BCL2L13: variants seen among roughly 807,000 people sequenced by gnomAD.
The protein encoded by BCL2L13 is bcl-2-like protein 13.
A neutral mutation model predicts 25.8 loss-of-function variants in BCL2L13; 13 were observed. The ratio of observed to expected loss-of-function variants is 0.50; its 90% CI spans 0.33 to 0.80. The LOEUF (loss-of-function observed/expected upper bound fraction) is 0.80, where lower values mean the gene tolerates loss of function less well. Among genes scored for constraint, BCL2L13 ranks in the 30% least tolerant of loss-of-function variants. BCL2L13 has a pLI of 0.02. For synonymous variants in BCL2L13, 244 were observed against 230.3 expected (o/e 1.06, Z -0.54); for missense variants, 504 against 574.9 (o/e 0.88, Z 1.26).
At chr22:17,684,691 GT>G in intron 3 of BCL2L13, 1 of 438,314 alleles carries the variant, frequency 2.3e-6, no homozygotes, top group Non-Finnish European at 4.6e-6. Flanking sequence ...AGCCTCCTGA[GT>G]AGCCAGGATT....
At chr22:17,716,344 T>C (rs1469986984) in intron 6 of BCL2L13, among the ~76,000 whole-genome samples, 2 of 152,222 alleles carry the variant, frequency 1.3e-5, no homozygotes, top group Non-Finnish European at 2.9e-5. Context: ...GAGGTCTTAA[T>C]ACCTTTCATC....
chr22:17,721,962 G>A (rs946036354), intron 6 of BCL2L13, among the ~76,000 whole-genome samples: 6 of 152,160 alleles, frequency 3.9e-5, no homozygotes, highest in Non-Finnish European at 2.9e-5. Context: ...GCCCGGCCAA[G>A]AAATTTTTAT....
At chr22:17,641,597 T>A (rs1343855065) in intron 1 of BCL2L13, among the ~76,000 whole-genome samples, 3 of 152,132 alleles carry the variant, frequency 2.0e-5, no homozygotes, top group Non-Finnish European at 4.4e-5. Flanking sequence ...TACAATTCAG[T>A]ACTTTTTAGT....
rs137866751 is a variant in BCL2L13 at position 17,727,003 on chromosome 22, C to T, written c.927C>T (p.His309=). The change falls in exon 7 of 7, where the codon CAC becomes CAT. Residue 309 remains histidine (H), a synonymous_variant. Transcript: ENST00000317582. The stretch of plus-strand genomic sequence containing the variant: ...ACTCCTCTAATTCTGACATTGTGCA[C>T]GTGGAGAAAGAAGAGGTGCCCGAGG... ...ENNSSNSDIV[H]VEKEEVPEGM... 2.1e-4 allele frequency: 334 copies of T among 1,614,150 alleles called. 1 individual carries two copies. The African/African-American group carries it at 3.1e-3, about 15-fold the overall frequency.
At chr22:17,690,317 C>T (rs1016433934) in intron 4 of BCL2L13, among the ~76,000 whole-genome samples, 8 of 145,414 alleles carry the variant, frequency 5.5e-5, no homozygotes, top group East Asian at 2.1e-4. Context: ...CAGAGGGAGA[C>T]TCCATCTGAA....
intron 6 of BCL2L13, among the ~76,000 whole-genome samples, chr22:17,726,218 G>A (rs1002172782): frequency 7.9e-5 from 12 of 152,104 alleles, no homozygotes; most frequent in African/African-American, 2.9e-4. Flanking sequence ...GGGCGTGGTG[G>A]CAGGTGCCTA....
chr22:17,648,448 A>G (rs1018897493), intron 1 of BCL2L13, among the ~76,000 whole-genome samples: 4 of 152,078 alleles, frequency 2.6e-5, no homozygotes, highest in Non-Finnish European at 5.9e-5. Context: ...TTGTAATCCC[A>G]GCAATTTGGG....
chr22:17,708,418 T>C (rs2060650170), intron 6 of BCL2L13, among the ~76,000 whole-genome samples: 1 of 152,238 alleles, frequency 6.6e-6, no homozygotes, highest in Admixed American at 6.5e-5. Flanking sequence ...AAACTACTTA[T>C]CTTCTTTACT....
At chr22:17,723,673 G>T (rs145016849) in intron 6 of BCL2L13, among the ~76,000 whole-genome samples, 3 of 152,118 alleles carry the variant, frequency 2.0e-5, no homozygotes, top group Admixed American at 1.3e-4. Context: ...GGTGTCTCAC[G>T]CCTGTAATCC....
At chr22:17,715,241 G>A (rs1221562202) in intron 6 of BCL2L13, among the ~76,000 whole-genome samples, 3 of 128,640 alleles carry the variant, frequency 2.3e-5, no homozygotes, top group Non-Finnish European at 3.1e-5. Context: ...GAGTACAGTG[G>A]TGCAGACTTG....
At chr22:17,690,947 A>G (rs1452882694) in intron 4 of BCL2L13, among the ~76,000 whole-genome samples, 1 of 152,172 alleles carries the variant, frequency 6.6e-6, no homozygotes, top group Non-Finnish European at 1.5e-5. Context: ...GAGGTGCTGC[A>G]GGGGTCCTGA....
At chr22:17,694,553 C>T (rs73876490) in intron 4 of BCL2L13, among the ~76,000 whole-genome samples, 2,725 of 152,098 alleles carry the variant, frequency 0.018, 77 homozygotes, top group African/African-American at 0.061. Flanking sequence ...CTGTCTTGCA[C>T]TGTCACCAGT....
At chr22:17,687,547 C>T (rs1037027141) in intron 3 of BCL2L13, among the ~76,000 whole-genome samples, 2 of 151,868 alleles carry the variant, frequency 1.3e-5, no homozygotes, top group African/African-American at 2.4e-5. Context: ...GCCAGAGTCT[C>T]GCTCTGTCAC....
chr22:17,727,289 A>C lies in BCL2L13; in HGVS notation c.1213A>C (p.Thr405Pro). The change falls in exon 7 of 7, where the codon ACA becomes CCA. Residue 405 changes from threonine to proline, a missense_variant. Physicochemically the swap from Thr to Pro is conservative, Grantham distance 38. Transcript: ENST00000317582. ...GGAGGTGGTCCCCGCACTGGAACCC[A>C]CAGAAACGCTGCTGAGTGAGAAGGA... ...VEEVVPALEP[T>P]ETLLSEKEIN... 6.2e-7 allele frequency: 1 copy of C among 1,614,260 alleles called. No individual in the cohort carries two copies. Among genetic ancestry groups the C allele is most frequent in the Non-Finnish European group, 8.5e-7 (1 of 1,180,054 alleles).
intron 2 of BCL2L13, among the ~76,000 whole-genome samples, chr22:17,658,642 A>G (rs1243239149): frequency 7.0e-6 from 1 of 143,756 alleles, no homozygotes; most frequent in African/African-American, 2.6e-5. Flanking sequence ...TGCAGTGAGC[A>G]GAGATTCCAC....
Position 17,696,151 on chromosome 22 carries a change from T to G in BCL2L13, c.397T>G (p.Tyr133Asp). The change falls in exon 5 of 7, where the codon TAT (tyrosine) becomes GAT (aspartate). Residue 133 changes from tyrosine to aspartate, a missense_variant. Tyr to Asp is a radical substitution (Grantham distance 160). Coordinates refer to ENST00000317582, the MANE Select transcript of BCL2L13 (RefSeq NM_015367.4). ...LQMLLSQPVT[Y>D]QAFRECTLET... ...AAAAAATCTCTACAGGCCAGTGACA[T>G]ATCAGGCATTTCGGGAATGTACACT... 6.2e-7 allele frequency: 1 copy of G among 1,613,620 alleles called. No homozygotes were observed. The highest frequency in any genetic ancestry group is 8.5e-7 in the Non-Finnish European group (1 of 1,179,548).
chr22:17,680,229 A>AAAAAAAAAAAAAAAG (rs2059698430), intron 2 of BCL2L13, among the ~76,000 whole-genome samples: 1 of 124,858 alleles, frequency 8.0e-6, no homozygotes. Flanking sequence ...AAAAAAAAAA[A>AAAAAAAAAAAAAAAG]GCTGGGCACG....
At chr22:17,726,530 A>T in intron 6 of BCL2L13, 147 bp from the exon 7 acceptor site, 2 of 909,202 alleles carry the variant, frequency 2.2e-6, no homozygotes, top group Non-Finnish European at 3.2e-6. Flanking sequence ...GCCTACAAAT[A>T]CATGCATTCC....
At chr22:17,634,144 C>T (rs1305858211), upstream of BCL2L13, among the ~76,000 whole-genome samples, 1 of 152,088 alleles carries the variant, frequency 6.6e-6, no homozygotes, top group Admixed American at 6.6e-5. Flanking sequence ...CTATTCCAGT[C>T]CCTTGTCTGT....
Sources: allele counts gnomAD v4.1 joint callset (sites outside exome capture counted in the v4.1 genomes callset), GRCh38; gene constraint gnomAD v4.1.1; transcripts MANE v1.5; gene names NCBI Gene and HGNC (gene_info 2026-07-23, HGNC 2026-07-21).